Variants in PID1 observed in about 807,000 individuals in gnomAD.
PID1 encodes the protein PTB-containing, cubilin and LRP1-interacting protein.
Under a neutral mutation model 19.1 loss-of-function variants are expected in PID1, and 10 were observed. That is an observed-to-expected ratio of 0.52 (90% CI 0.32 to 0.89). The LOEUF is 0.89. PID1 is among the 40% of genes least tolerant of loss of function. PID1 has a pLI of 0.03. For synonymous variants in PID1, 130 were observed against 116.0 expected, an observed-to-expected ratio of 1.12 and a Z score of -0.78; for missense variants, 248 against 285.3, an observed-to-expected ratio of 0.87 and a Z score of 0.94.
chr2:229,054,275 G>A (rs1024240109), intron 2 of PID1, among the ~76,000 whole-genome samples: 1 of 152,174 alleles, frequency 6.6e-6, no homozygotes, highest in African/African-American at 2.4e-5. Context: ...AGAGATCTGC[G>A]TAAAGCTTGG....
At chr2:229,219,332 C>G (rs930551721) in intron 1 of PID1, among the ~76,000 whole-genome samples, 3 of 152,116 alleles carry the variant, frequency 2.0e-5, no homozygotes, top group African/African-American at 7.2e-5. Context: ...GGGCAGCAAA[C>G]ATGTCCTTCT....
intron 1 of PID1, among the ~76,000 whole-genome samples, chr2:229,159,185 C>T (rs1374400556): frequency 6.6e-6 from 1 of 152,128 alleles, no homozygotes; most frequent in Non-Finnish European, 1.5e-5. Flanking sequence ...TGAATCAAAA[C>T]AGCTCATCTC....
At chr2:229,105,392 A>C (rs1235528417) in intron 2 of PID1, among the ~76,000 whole-genome samples, 1 of 152,252 alleles carries the variant, frequency 6.6e-6, no homozygotes, top group Non-Finnish European at 1.5e-5. Context: ...CAGCAAGGCT[A>C]AACCCAATCT....
chr2:229,256,992 TC>T (rs1201500484), intron 1 of PID1, among the ~76,000 whole-genome samples: 1 of 152,204 alleles, frequency 6.6e-6, no homozygotes, highest in Non-Finnish European at 1.5e-5. Flanking sequence ...CCATGGTCTT[TC>T]CACTGTTTAA....
intron 1 of PID1, among the ~76,000 whole-genome samples, chr2:229,225,720 A>G (rs1574737994): frequency 1.3e-5 from 2 of 152,330 alleles, no homozygotes; most frequent in East Asian, 3.9e-4. Flanking sequence ...AGGCCTCAGG[A>G]AACTTACAAT....
At chr2:229,233,254 G>A (rs530123694) in intron 1 of PID1, among the ~76,000 whole-genome samples, 45 of 152,184 alleles carry the variant, frequency 3.0e-4, no homozygotes, top group African/African-American at 1.0e-3. Context: ...TTCAAAGCTG[G>A]AGAGGTTTTA....
At chr2:229,218,985 A>G (rs1043326720) in intron 1 of PID1, among the ~76,000 whole-genome samples, 19 of 152,186 alleles carry the variant, frequency 1.2e-4, no homozygotes, top group African/African-American at 4.3e-4. Context: ...AGGATATGCT[A>G]AATTGAAATC....
At chr2:229,160,233 T>C (rs1278355816) in intron 1 of PID1, among the ~76,000 whole-genome samples, 1 of 152,156 alleles carries the variant, frequency 6.6e-6, no homozygotes. Flanking sequence ...ATCCGTGTTG[T>C]AAACCAAATG....
intron 2 of PID1, among the ~76,000 whole-genome samples, chr2:229,108,254 C>T (rs1259047408): frequency 6.6e-6 from 1 of 152,184 alleles, no homozygotes; most frequent in East Asian, 1.9e-4. Context: ...TCAGCTGTGG[C>T]TTTAATGTAT....
At chr2:229,225,697 A>G (rs569007834) in intron 1 of PID1, among the ~76,000 whole-genome samples, 42 of 152,306 alleles carry the variant, frequency 2.8e-4, no homozygotes, top group Non-Finnish European at 2.1e-4. Flanking sequence ...CTCACAGTTT[A>G]GCATGTCTGG....
chr2:229,054,044 T>C (rs1288055121), intron 2 of PID1, among the ~76,000 whole-genome samples: 5 of 152,148 alleles, frequency 3.3e-5, no homozygotes, highest in African/African-American at 4.8e-5. Context: ...GTGGGAAGTA[T>C]ATAACAGGTG....
At chr2:229,103,882 T>C (rs1695122315) in intron 2 of PID1, among the ~76,000 whole-genome samples, 1 of 152,170 alleles carries the variant, frequency 6.6e-6, no homozygotes, top group Admixed American at 6.5e-5. Context: ...CAGCCTATGC[T>C]GGATTTCACA....
chr2:229,087,687 AAC>A (rs1458037061), intron 2 of PID1, among the ~76,000 whole-genome samples: 1 of 152,184 alleles, frequency 6.6e-6, no homozygotes, highest in South Asian at 2.1e-4. Flanking sequence ...CACATGATAC[AAC>A]ACACACAAGC....
chr2:229,236,896 T>C (rs1218779488), intron 1 of PID1, among the ~76,000 whole-genome samples: 1 of 151,972 alleles, frequency 6.6e-6, no homozygotes, highest in African/African-American at 2.4e-5. Context: ...CACTTGCTCA[T>C]GTGTTGTTTA....
At chr2:229,218,842 A>G (rs2106256511) in intron 1 of PID1, among the ~76,000 whole-genome samples, 1 of 152,198 alleles carries the variant, frequency 6.6e-6, no homozygotes, top group East Asian at 1.9e-4. Flanking sequence ...ACTCTGCCCA[A>G]TTTATTGATT....
At chr2:229,084,344 T>C (rs980063547) in intron 2 of PID1, among the ~76,000 whole-genome samples, 4 of 152,192 alleles carry the variant, frequency 2.6e-5, no homozygotes, top group African/African-American at 7.2e-5. Context: ...GTGGAAATTT[T>C]CTCTTGGCAT....
chr2:229,120,087 T>G (rs769022159), intron 2 of PID1, among the ~76,000 whole-genome samples: 10 of 152,178 alleles, frequency 6.6e-5, no homozygotes, highest in Non-Finnish European at 1.5e-4. Flanking sequence ...CATAATCATG[T>G]GAGCCAACAT....
At position 229,025,745 on chromosome 2, in the gene PID1, C is replaced by T. The variant is rs374635933; in HGVS notation, c.541G>A (p.Ala181Thr). The T allele has an allele frequency of 4.2e-5, 68 of 1,614,148 alleles. No homozygotes were observed. The highest frequency in any genetic ancestry group is 1.5e-4 in the South Asian group (14 of 91,096). ...SKLEAKKLAH[A>T]MMEAFRKTFH... ...GTCTTCCTGAAGGCCTCCATCATGG[C>T]GTGGGCCAGTTTCTTGGCCTCGAGC... Residue 181 changes from alanine (A) to threonine (T), a missense_variant, in exon 3 of 3, where the codon GCC becomes ACC. Physicochemically the swap from Ala to Thr is moderately conservative, Grantham distance 58. Coordinates refer to ENST00000392055, the MANE Select transcript of PID1 (RefSeq NM_001100818.2).
intron 1 of PID1, among the ~76,000 whole-genome samples, chr2:229,211,247 A>T (rs1051370935): frequency 6.6e-6 from 1 of 152,108 alleles, no homozygotes; most frequent in Non-Finnish European, 1.5e-5. Flanking sequence ...AATTACAGTT[A>T]ACACCTATTT....
Sources: allele counts gnomAD v4.1 joint callset (sites outside exome capture counted in the v4.1 genomes callset), GRCh38; gene constraint gnomAD v4.1.1; transcripts MANE v1.5; gene names NCBI Gene and HGNC (gene_info 2026-07-23, HGNC 2026-07-21).